The following HECW2 variants were observed in gnomAD, a reference collection of about 807,000 sequenced individuals.
The protein encoded by HECW2 is E3 ubiquitin-protein ligase HECW2.
In HECW2, 61 loss-of-function variants were observed where a neutral mutation model predicts 175.2. That is an observed-to-expected ratio of 0.35 (90% CI 0.28 to 0.43). The LOEUF (loss-of-function observed/expected upper bound fraction) is 0.43, where lower values mean the gene tolerates loss of function less well. Among genes scored for constraint, HECW2 ranks in the 20% least tolerant of loss-of-function variants. The pLI is 1.00. For missense variants in HECW2, 1,524 were observed against 2,000.5 expected, an observed-to-expected ratio of 0.76 and a Z score of 4.54; for synonymous variants, 671 against 731.0, an observed-to-expected ratio of 0.92 and a Z score of 1.32.
intron 1 of HECW2, among the ~76,000 whole-genome samples, chr2:196,519,340 T>C (rs961431432): frequency 6.6e-6 from 1 of 152,042 alleles, no homozygotes; most frequent in Admixed American, 6.6e-5. Flanking sequence ...CATCAATTTC[T>C]CCCACAATGT....
At chr2:196,406,700 C>A (rs1466016645) in intron 2 of HECW2, among the ~76,000 whole-genome samples, 1 of 152,232 alleles carries the variant, frequency 6.6e-6, no homozygotes, top group East Asian at 1.9e-4. Context: ...TCCAGCCACT[C>A]TGGCCCTCTC....
At chr2:196,350,081 A>G (rs1201263704) in intron 2 of HECW2, among the ~76,000 whole-genome samples, 2 of 152,086 alleles carry the variant, frequency 1.3e-5, no homozygotes, top group African/African-American at 2.4e-5. Context: ...TTAAAATGCT[A>G]CTTCCTGCAT....
chr2:196,513,376 G>A (rs1291205795), intron 1 of HECW2, among the ~76,000 whole-genome samples: 1 of 152,178 alleles, frequency 6.6e-6, no homozygotes, highest in Admixed American at 6.5e-5. Context: ...GGGCACGTTG[G>A]CACATGCCTG....
chr2:196,576,839 A>G (rs1365796686), intron 1 of HECW2, among the ~76,000 whole-genome samples: 1 of 152,232 alleles, frequency 6.6e-6, no homozygotes. Context: ...TCTATTTGTC[A>G]GTTATACCTC....
intron 13 of HECW2, among the ~76,000 whole-genome samples, chr2:196,296,549 C>A (rs529456141): frequency 6.6e-6 from 1 of 152,204 alleles, no homozygotes; most frequent in African/African-American, 2.4e-5. Flanking sequence ...ATCCCACATT[C>A]TATAAACTGA....
At chr2:196,203,024 C>G (rs940395837) in intron 28 of HECW2, among the ~76,000 whole-genome samples, 1 of 152,134 alleles carries the variant, frequency 6.6e-6, no homozygotes, top group Admixed American at 6.5e-5. Flanking sequence ...TGACTGCACC[C>G]TGTCATATGA....
In HECW2 at chr2:196,542,820, T is replaced by C. The variant is rs191332923; in HGVS notation, c.-36+50688A>G. Reference sequence around the variant, plus strand: ...ATACACAGAGAAAGACATATCTATATATAATCTAATATCTAATATACATCT... The same window carrying C: ...ATACACAGAGAAAGACATATCTATACATAATCTAATATCTAATATACATCT... On this transcript the variant is annotated intron_variant, in intron 1 of 28. Coordinates refer to ENST00000644978, the MANE Select transcript of HECW2 (RefSeq NM_001348768.2). Among the ~76,000 whole-genome samples the C allele has an allele frequency of 7.3e-5, 11 of 149,758 alleles. No individual in the cohort carries two copies. In the East Asian group the frequency reaches 1.7e-3, roughly 24 times the overall value.
intron 28 of HECW2, among the ~76,000 whole-genome samples, chr2:196,213,561 G>A (rs1687366723): frequency 6.6e-6 from 1 of 152,082 alleles, no homozygotes; most frequent in Non-Finnish European, 1.5e-5. Flanking sequence ...TTACGGAGAG[G>A]GTATGAAAAG....
chr2:196,279,434 T>A (rs1222910910), intron 14 of HECW2, among the ~76,000 whole-genome samples: 1 of 152,214 alleles, frequency 6.6e-6, no homozygotes, highest in Non-Finnish European at 1.5e-5. Flanking sequence ...CTCACTGTAG[T>A]GTCCTCTATT....
Position 196,402,803 on chromosome 2 carries a change from AT to A in HECW2, c.292+30328del, listed in dbSNP as rs369586280. ...AACAAACAGATTCCTTGCCTTGGGA[AT>A]TTTTTTTTTTTTTTTTTTTTGAGAC... On this transcript the variant is annotated intron_variant, in intron 2 of 28. Transcript: ENST00000644978. 1.8e-3 allele frequency among the ~76,000 whole-genome samples: 221 copies of A among 123,610 alleles called. No homozygotes were observed. In the Middle Eastern group the frequency reaches 0.038, roughly 21 times the overall value. The allele number at this position is 123,610 out of a possible 152,430, so 81.1% of individuals were successfully genotyped here.
chr2:196,388,982 A>G (rs1331138327), intron 2 of HECW2, among the ~76,000 whole-genome samples: 2 of 152,226 alleles, frequency 1.3e-5, no homozygotes, highest in Non-Finnish European at 2.9e-5. Flanking sequence ...GAACAGAAAT[A>G]TAAGTCTCTA....
intron 2 of HECW2, among the ~76,000 whole-genome samples, chr2:196,360,517 G>A (rs1192823671): frequency 6.6e-6 from 1 of 152,090 alleles, no homozygotes; most frequent in Non-Finnish European, 1.5e-5. Flanking sequence ...ACACAAAAAA[G>A]GGAACAACAG....
intron 1 of HECW2, among the ~76,000 whole-genome samples, chr2:196,510,542 T>C (rs1298781436): frequency 6.6e-6 from 1 of 152,182 alleles, no homozygotes; most frequent in Non-Finnish European, 1.5e-5. Context: ...TTCATGCTTT[T>C]ATCTCCAGGT....
At chr2:196,368,511 G>A (rs1274333907) in intron 2 of HECW2, among the ~76,000 whole-genome samples, 1 of 152,006 alleles carries the variant, frequency 6.6e-6, no homozygotes, top group African/African-American at 2.4e-5. Flanking sequence ...TTTGAATATT[G>A]ATATCTTTCT....
At chr2:196,360,420 T>C (rs894851873) in intron 2 of HECW2, among the ~76,000 whole-genome samples, 1 of 152,172 alleles carries the variant, frequency 6.6e-6, no homozygotes, top group Non-Finnish European at 1.5e-5. Context: ...CTGGAGGCCA[T>C]TATTCTTAGC....
chr2:196,206,164 A>G (rs995638440), intron 28 of HECW2, among the ~76,000 whole-genome samples: 2 of 152,198 alleles, frequency 1.3e-5, no homozygotes, highest in Admixed American at 1.3e-4. Flanking sequence ...GTCTCAATAA[A>G]AGAACATTTT....
rs76200246 is a variant in HECW2, at chr2:196,448,478, A to G, written c.-35-15020T>C. 6.1e-4 allele frequency among the ~76,000 whole-genome samples: 93 copies of G among 152,308 alleles called. 2 individuals are homozygous for G. In the East Asian group the frequency reaches 0.017, roughly 27 times the overall value. On this transcript the variant is annotated intron_variant, in intron 1 of 28. Coordinates refer to ENST00000644978, the MANE Select transcript of HECW2 (RefSeq NM_001348768.2). ...GGGTTACAACTGGGTTATGAAAGCT[A>G]TATCATATGGAACCCAGGTTTATCC...
intron 3 of HECW2, among the ~76,000 whole-genome samples, chr2:196,335,819 T>C (rs1480470514): frequency 6.6e-6 from 1 of 152,208 alleles, no homozygotes; most frequent in African/African-American, 2.4e-5. Context: ...ACTACGTACC[T>C]GCCACAGCAC....
chr2:196,457,779 T>C (rs1263651406), intron 1 of HECW2, among the ~76,000 whole-genome samples: 1 of 151,728 alleles, frequency 6.6e-6, no homozygotes, highest in African/African-American at 2.4e-5. Flanking sequence ...TTCACTTCTA[T>C]TCTTCTTTTT....
Sources: gnomAD v4.1 joint callset for allele counts (sites outside exome capture counted in the v4.1 genomes callset) on GRCh38, gnomAD v4.1.1 for gene constraint, MANE v1.5 for transcripts, NCBI Gene and HGNC (gene_info 2026-07-23, HGNC 2026-07-21) for gene names.